The following P3H2 variants were observed in gnomAD, a reference collection of about 807,000 sequenced individuals.
P3H2 encodes the protein prolyl 3-hydroxylase 2, also known as leprecan-like 1.
P3H2 carries 80 observed loss-of-function variants against 87.0 expected under a neutral mutation model. The observed-to-expected ratio is 0.92, with a 90% CI of 0.77 to 1.11. The LOEUF (loss-of-function observed/expected upper bound fraction) is 1.11. P3H2 is among the 50% of genes least tolerant of loss of function. The probability of loss-of-function intolerance (pLI) is 0.00; values close to 1 mark genes in which losing one functional copy is unlikely to be tolerated. For missense variants in P3H2, 1,001 were observed against 923.9 expected (o/e 1.08, Z -1.08); for synonymous variants, 367 against 359.3 (o/e 1.02, Z -0.24).
At chr3:190,036,803 T>A (rs1160256387) in intron 1 of P3H2, among the ~76,000 whole-genome samples, 2 of 152,100 alleles carry the variant, frequency 1.3e-5, no homozygotes, top group Non-Finnish European at 2.9e-5. Flanking sequence ...TCCCTTCTCC[T>A]CCACTGTGAT....
chr3:190,113,074 T>C (rs1238264365), intron 1 of P3H2, among the ~76,000 whole-genome samples: 2 of 152,214 alleles, frequency 1.3e-5, no homozygotes, highest in African/African-American at 4.8e-5. Flanking sequence ...AGATGTGTCT[T>C]ATGTCCACTT....
At chr3:189,994,636 C>A (rs1237351383) in intron 2 of P3H2, among the ~76,000 whole-genome samples, 1 of 149,524 alleles carries the variant, frequency 6.7e-6, no homozygotes, top group Non-Finnish European at 1.5e-5. Flanking sequence ...GAAGTGACAT[C>A]CACTTTTAGG....
chr3:190,071,329 C>T (rs1186831761), intron 1 of P3H2, among the ~76,000 whole-genome samples: 1 of 152,158 alleles, frequency 6.6e-6, no homozygotes, highest in Non-Finnish European at 1.5e-5. Flanking sequence ...GAATCTGTCA[C>T]CTAGAATAAA....
intron 1 of P3H2, among the ~76,000 whole-genome samples, chr3:190,107,076 T>C (rs887522681): frequency 1.3e-5 from 2 of 152,108 alleles, no homozygotes; most frequent in Non-Finnish European, 2.9e-5. Context: ...TTCAGGTTTC[T>C]TCAAAATCTG....
rs1727403628 is a variant in P3H2 at position 190,091,412 on chromosome 3, T to C, written c.480+28840A>G. The stretch of plus-strand genomic sequence containing the variant: ...CTATACACTCTCAACTTTACACTTC[T>C]GCATAATTCATAGTTAATGAAATGA... On this transcript the variant is annotated intron_variant, in intron 1 of 14. Coordinates refer to ENST00000319332, the MANE Select transcript of P3H2 (RefSeq NM_018192.4). Among the ~76,000 whole-genome samples, 5 of 152,254 alleles carry C rather than the reference T, an allele frequency of 3.3e-5. No homozygotes were observed. In the South Asian group the frequency reaches 6.2e-4, roughly 19 times the overall value.
chr3:190,098,734 A>G (rs929877269), intron 1 of P3H2, among the ~76,000 whole-genome samples: 1 of 152,216 alleles, frequency 6.6e-6, no homozygotes, highest in East Asian at 1.9e-4. Context: ...ATAATTTATT[A>G]CACGGACCAC....
intron 1 of P3H2, among the ~76,000 whole-genome samples, chr3:190,066,988 T>C (rs1263259907): frequency 6.6e-6 from 1 of 151,590 alleles, no homozygotes; most frequent in Non-Finnish European, 1.5e-5. Context: ...TCACATGTAG[T>C]TTATTCTTTT....
intron 8 of P3H2, among the ~76,000 whole-genome samples, chr3:189,982,768 A>C (rs1309575818): frequency 3.3e-5 from 5 of 152,220 alleles, no homozygotes; most frequent in African/African-American, 9.6e-5. Context: ...GTATTCTGAG[A>C]ATGGTGATGA....
intron 1 of P3H2, among the ~76,000 whole-genome samples, chr3:190,011,089 G>A (rs187363635): frequency 3.2e-4 from 48 of 152,210 alleles, no homozygotes; most frequent in African/African-American, 1.2e-3. Context: ...GGCCAACTTG[G>A]TGAAACCCCT....
intron 1 of P3H2, among the ~76,000 whole-genome samples, chr3:190,017,821 A>G (rs561695446): frequency 1.2e-4 from 19 of 152,366 alleles, no homozygotes; most frequent in Admixed American, 2.0e-4. Flanking sequence ...ATTAAAGCCA[A>G]ATTACTCAGG....
chr3:189,989,881 G>A (rs1034322063), intron 3 of P3H2, among the ~76,000 whole-genome samples: 1 of 152,132 alleles, frequency 6.6e-6, no homozygotes, highest in African/African-American at 2.4e-5. Flanking sequence ...GGAAACACAA[G>A]TGGTGAATGT....
Position 190,030,822 on chromosome 3 carries a change from G to C in P3H2, c.481-35380C>G, listed in dbSNP as rs1725229312. 4.6e-5 allele frequency among the ~76,000 whole-genome samples: 7 copies of C among 152,006 alleles called. No individual in the cohort carries two copies. The South Asian group carries it at 1.5e-3, about 32-fold the overall frequency. On this transcript the variant is annotated intron_variant, in intron 1 of 14. Transcript: ENST00000319332. ...TTAGACTACAAAAGAACTTAATATA[G>C]GAAAAATGAGGCAATGTCAATTAAT...
chr3:190,119,788 G>C (rs1289374382), intron 1 of P3H2, among the ~76,000 whole-genome samples: 2 of 152,158 alleles, frequency 1.3e-5, no homozygotes, highest in Admixed American at 6.6e-5. Context: ...CTATTTTGAA[G>C]ATTCTTTTAA....
intron 8 of P3H2, among the ~76,000 whole-genome samples, chr3:189,976,987 A>G (rs2108911806): frequency 6.6e-6 from 1 of 152,336 alleles, no homozygotes; most frequent in South Asian, 2.1e-4. Context: ...AGAACTTTTA[A>G]TATGTGAACA....
chr3:190,017,099 G>A (rs916844761), intron 1 of P3H2, among the ~76,000 whole-genome samples: 10 of 152,028 alleles, frequency 6.6e-5, no homozygotes, highest in Non-Finnish European at 1.5e-4. Flanking sequence ...TCTATTATGG[G>A]AGCTGCTGCA....
intron 1 of P3H2, among the ~76,000 whole-genome samples, chr3:190,034,235 T>C (rs1307218269): frequency 3.1e-5 from 1 of 32,290 alleles, no homozygotes; most frequent in African/African-American, 4.9e-5. Flanking sequence ...TTGTTCCTCA[T>C]AAACTCTGTC....
chr3:189,988,606 A>C (rs1475399753), intron 4 of P3H2, among the ~76,000 whole-genome samples: 3 of 152,324 alleles, frequency 2.0e-5, no homozygotes, highest in Admixed American at 2.0e-4. Context: ...GGAAAGGAAG[A>C]GGATTTTGCA....
chr3:190,075,611 G>A (rs1261253334), intron 1 of P3H2, among the ~76,000 whole-genome samples: 1 of 152,132 alleles, frequency 6.6e-6, no homozygotes, highest in Non-Finnish European at 1.5e-5. Context: ...CAGGAATTAG[G>A]GAAAGCTTCC....
At chr3:190,027,262 C>G (rs1725111773) in intron 1 of P3H2, among the ~76,000 whole-genome samples, 1 of 152,174 alleles carries the variant, frequency 6.6e-6, no homozygotes, top group African/African-American at 2.4e-5. Context: ...GACAGAGAAA[C>G]CACCCAACAG....
Sources: allele counts gnomAD v4.1 joint callset (sites outside exome capture counted in the v4.1 genomes callset), GRCh38; gene constraint gnomAD v4.1.1; transcripts MANE v1.5; gene names NCBI Gene and HGNC (gene_info 2026-07-23, HGNC 2026-07-21).